The following KCNH8 variants were observed in gnomAD, a reference collection of about 807,000 sequenced individuals.
KCNH8 encodes the protein potassium voltage-gated channel subfamily H member 8.
Under a neutral mutation model 103.6 loss-of-function variants are expected in KCNH8, and 70 were observed. The ratio of observed to expected loss-of-function variants is 0.68; its 90% CI spans 0.56 to 0.82. The LOEUF (loss-of-function observed/expected upper bound fraction) is 0.82, where lower values mean the gene tolerates loss of function less well. Among genes scored for constraint, KCNH8 ranks in the 40% least tolerant of loss-of-function variants. The probability of loss-of-function intolerance (pLI) is 0.00; values close to 1 mark genes in which losing one functional copy is unlikely to be tolerated. For missense variants in KCNH8, 1,217 were observed against 1,329.9 expected, an observed-to-expected ratio of 0.92 and a Z score of 1.32; for synonymous variants, 498 against 489.4, an observed-to-expected ratio of 1.02 and a Z score of -0.23.
At chr3:19,446,941 C>T (rs1005550425) in intron 8 of KCNH8, among the ~76,000 whole-genome samples, 1 of 151,952 alleles carries the variant, frequency 6.6e-6, no homozygotes, top group Non-Finnish European at 1.5e-5. Context: ...TGTTGAGGTT[C>T]CTTCCAAGAC....
intron 5 of KCNH8, among the ~76,000 whole-genome samples, chr3:19,383,847 C>G (rs1438786916): frequency 6.6e-6 from 1 of 152,058 alleles, no homozygotes; most frequent in Non-Finnish European, 1.5e-5. Flanking sequence ...ATAACTACAC[C>G]TATAAACAGA....
At chr3:19,365,524 G>C (rs955348809) in intron 5 of KCNH8, among the ~76,000 whole-genome samples, 1 of 151,920 alleles carries the variant, frequency 6.6e-6, no homozygotes, top group Non-Finnish European at 1.5e-5. Context: ...ACGCATTTAA[G>C]ATGATTTTGA....
chr3:19,370,101 A>G (rs1365535262), intron 5 of KCNH8, among the ~76,000 whole-genome samples: 1 of 151,952 alleles, frequency 6.6e-6, no homozygotes, highest in Non-Finnish European at 1.5e-5. Flanking sequence ...TGCCTTGATA[A>G]CTGTTATTAA....
intron 2 of KCNH8, among the ~76,000 whole-genome samples, chr3:19,274,261 C>G (rs1479393234): frequency 2.6e-5 from 4 of 152,122 alleles, no homozygotes; most frequent in African/African-American, 9.7e-5. Context: ...AAATGTTGAT[C>G]AGGTTGATCA....
chr3:19,347,980 C>A lies in KCNH8; in HGVS notation c.811+15C>A. On this transcript the variant is annotated intron_variant, in intron 5 of 15. Coordinates refer to ENST00000328405, the MANE Select transcript of KCNH8 (RefSeq NM_144633.3). The stretch of plus-strand genomic sequence containing the variant: ...TTTTATTATAGGTAAGAACAAACAG[C>A]TGCTTTCCTACGATATTTGCATATG... The A allele has an allele frequency of 6.2e-7, 1 of 1,608,876 alleles. No individual in the cohort carries two copies. The highest frequency in any genetic ancestry group is 8.5e-7 in the Non-Finnish European group (1 of 1,176,870).
intron 6 of KCNH8, among the ~76,000 whole-genome samples, chr3:19,392,120 A>T (rs922806631): frequency 6.7e-6 from 1 of 150,332 alleles, no homozygotes; most frequent in Non-Finnish European, 1.5e-5. Context: ...TATATATAAC[A>T]TACATTTTTA....
At chr3:19,509,435 A>G (rs1383490661) in intron 11 of KCNH8, among the ~76,000 whole-genome samples, 2 of 152,190 alleles carry the variant, frequency 1.3e-5, no homozygotes, top group African/African-American at 4.8e-5. Context: ...ATTAAAATGA[A>G]AGAAGTGTAT....
chr3:19,470,398 G>A (rs1366880182), intron 11 of KCNH8, among the ~76,000 whole-genome samples: 2 of 152,046 alleles, frequency 1.3e-5, no homozygotes, highest in Non-Finnish European at 1.5e-5. Flanking sequence ...CTCTCCTTCA[G>A]TAGACTTGCC....
At position 19,347,973 on chromosome 3, in the gene KCNH8, C is replaced by G; in HGVS notation, c.811+8C>G. 1 of 1,609,954 alleles carries G rather than the reference C, an allele frequency of 6.2e-7. No homozygotes were observed. The highest frequency in any genetic ancestry group is 1.1e-5 in the South Asian group (1 of 90,754). ...AGATTCTTTTTATTATAGGTAAGAA[C>G]AAACAGCTGCTTTCCTACGATATTT... is the stretch of plus-strand genomic sequence containing the variant. On this transcript the variant is annotated splice_region_variant and intron_variant, in intron 5 of 15. Coordinates refer to ENST00000328405, the MANE Select transcript of KCNH8 (RefSeq NM_144633.3).
intron 3 of KCNH8, among the ~76,000 whole-genome samples, chr3:19,309,084 A>G (rs977340320): frequency 1.1e-4 from 17 of 151,606 alleles, no homozygotes; most frequent in African/African-American, 4.1e-4. Context: ...CCAAGTGCTT[A>G]TTTTCTGGTA....
rs540302155 is a variant in KCNH8 at position 19,189,800 on chromosome 3, A to G, written c.76+41005A>G. 7.2e-5 allele frequency among the ~76,000 whole-genome samples: 11 copies of G among 152,154 alleles called. No individual in the cohort carries two copies. In the South Asian group the frequency reaches 2.1e-3, roughly 29 times the overall value. ...ATGAAATAGTAAAGAATGTGTGCAA[A>G]CTGAAAACAGCCCAAAACAATTCCA... On this transcript the variant is annotated intron_variant, in intron 1 of 15. Transcript: ENST00000328405.
intron 3 of KCNH8, among the ~76,000 whole-genome samples, chr3:19,283,751 A>G (rs901658886): frequency 3.3e-5 from 5 of 151,510 alleles, no homozygotes; most frequent in Non-Finnish European, 5.9e-5. Flanking sequence ...CTCTGTCTTT[A>G]CCAAAAAAAA....
rs1164396399 is a variant in KCNH8 at position 19,518,114 on chromosome 3, G to C, written c.2619+40G>C. ...CTTTGGTCATGCCTAAATGGTAAGA[G>C]GAGATATAAATCCTAGTTACTCGCA... On this transcript the variant is annotated intron_variant, in intron 15 of 15. Transcript: ENST00000328405. The C allele has an allele frequency of 2.7e-6, 4 of 1,495,308 alleles. No homozygotes were observed. The Admixed American group carries it at 5.1e-5, about 19-fold the overall frequency. 92.6% of individuals were successfully genotyped at this position (1,495,308 alleles called of 1,614,324 possible). A position where few individuals can be genotyped will look rare whatever the true frequency, so the allele number is the denominator to read the frequency against.
chr3:19,301,991 C>T lies in KCNH8; in HGVS notation c.442+20662C>T, dbSNP rs148951200. Among the ~76,000 whole-genome samples, 281 of 152,288 alleles carry T rather than the reference C, an allele frequency of 1.8e-3. 5 individuals are homozygous for T. The highest frequency in any genetic ancestry group is 6.5e-3 in the African/African-American group (271 of 41,562). On this transcript the variant is annotated intron_variant, in intron 3 of 15. Transcript: ENST00000328405. The stretch of plus-strand genomic sequence containing the variant: ...TACTGTGAACAAGGTGCACCAGACT[C>T]GTGGCACATGGATATATTCAGCAAC...
chr3:19,404,686 G>A (rs2066665212), intron 7 of KCNH8, among the ~76,000 whole-genome samples: 1 of 151,776 alleles, frequency 6.6e-6, no homozygotes, highest in Non-Finnish European at 1.5e-5. Context: ...AACATTCAAA[G>A]AATAAAATGA....
At chr3:19,159,851 G>A (rs1304527050) in intron 1 of KCNH8, among the ~76,000 whole-genome samples, 1 of 151,988 alleles carries the variant, frequency 6.6e-6, no homozygotes, top group Non-Finnish European at 1.5e-5. Flanking sequence ...GTCTGTGAGA[G>A]CCTGAGGTTA....
chr3:19,162,467 A>G (rs762661009), intron 1 of KCNH8, among the ~76,000 whole-genome samples: 21 of 151,966 alleles, frequency 1.4e-4, no homozygotes, highest in Non-Finnish European at 2.5e-4. Context: ...AGATCACGCC[A>G]CTGCACTCCA....
Position 19,535,205 on chromosome 3 carries a change from G to A in KCNH8, c.*1106G>A, listed in dbSNP as rs368263537. On this transcript the variant is annotated 3_prime_UTR_variant, in exon 16 of 16. Coordinates refer to ENST00000328405, the MANE Select transcript of KCNH8 (RefSeq NM_144633.3). Reference sequence around the variant, plus strand: ...TTCCCAGTGCTTTTCTTTTACAAGAGGTAGTAGACTAGTGGAAATCCCCAA... The same window carrying A: ...TTCCCAGTGCTTTTCTTTTACAAGAAGTAGTAGACTAGTGGAAATCCCCAA... 3.3e-5 allele frequency: 5 copies of A among 152,294 alleles called. No homozygotes were observed. The East Asian group carries it at 9.6e-4, about 29-fold the overall frequency. The allele number at this position is 152,294 out of a possible 1,614,324, so 9.4% of individuals were successfully genotyped here. A position where few individuals can be genotyped will look rare whatever the true frequency, so the allele number is the denominator to read the frequency against.
chr3:19,317,274 T>G (rs2065286511), intron 3 of KCNH8, among the ~76,000 whole-genome samples: 2 of 151,962 alleles, frequency 1.3e-5, no homozygotes, highest in African/African-American at 4.8e-5. Flanking sequence ...GTTTTTAAAT[T>G]AATTTTCACA....
Sources: allele counts gnomAD v4.1 joint callset (sites outside exome capture counted in the v4.1 genomes callset), GRCh38; gene constraint gnomAD v4.1.1; transcripts MANE v1.5; gene names NCBI Gene and HGNC (gene_info 2026-07-23, HGNC 2026-07-21).